TYW1: variants seen among roughly 807,000 people sequenced by gnomAD.
TYW1 encodes the protein S-adenosyl-L-methionine-dependent tRNA 4-demethylwyosine synthase TYW1.
TYW1 carries 46 observed loss-of-function variants against 96.2 expected under a neutral mutation model. The observed-to-expected ratio is 0.48, with a 90% CI of 0.38 to 0.61. The LOEUF (loss-of-function observed/expected upper bound fraction) is 0.61, where lower values mean the gene tolerates loss of function less well. Ranked by LOEUF, TYW1 falls within the 20% of genes least tolerant of loss-of-function variation. The pLI, the probability that TYW1 is intolerant of heterozygous loss-of-function variation, is 0.00. For synonymous variants in TYW1, 274 were observed against 323.0 expected, an observed-to-expected ratio of 0.85 and a Z score of 1.63; for missense variants, 684 against 909.6, an observed-to-expected ratio of 0.75 and a Z score of 3.19.
chr7:67,203,251 C>A (rs889223295), intron 15 of TYW1, among the ~76,000 whole-genome samples: 1 of 152,194 alleles, frequency 6.6e-6, no homozygotes, highest in Non-Finnish European at 1.5e-5. Flanking sequence ...AGAGCCACTT[C>A]GGCTTTCTTT....
intron 14 of TYW1, among the ~76,000 whole-genome samples, chr7:67,189,128 G>A (rs1800120102): frequency 6.6e-6 from 1 of 152,144 alleles, no homozygotes; most frequent in Non-Finnish European, 1.5e-5. Flanking sequence ...CCTGTGTGCA[G>A]TTTCTCTTTT....
rs187407210 is a variant in TYW1, at chr7:67,157,551, A to G, written c.1699-25575A>G. ...TCCACTCGCCTCAACCTCCCAAAGT[A>G]TTGGGATTACAGGTGTGAGCCACCG... On this transcript the variant is annotated intron_variant, in intron 13 of 15. Coordinates refer to ENST00000359626, the MANE Select transcript of TYW1 (RefSeq NM_018264.4). Among the ~76,000 whole-genome samples, 915 of 152,304 alleles carry G rather than the reference A, an allele frequency of 6.0e-3. 10 individuals are homozygous for G. Among genetic ancestry groups the G allele is most frequent in the Admixed American group, 0.01 (160 of 15,302 alleles).
intron 9 of TYW1, among the ~76,000 whole-genome samples, chr7:67,061,017 C>T (rs1484329837): frequency 6.6e-6 from 1 of 152,148 alleles, no homozygotes; most frequent in African/African-American, 2.4e-5. Flanking sequence ...CACTTGAGGT[C>T]AGGAGTTCAA....
rs2421382 is a variant in TYW1 at position 67,234,048 on chromosome 7, A to G, written c.1978-4260A>G. ...CTGATCTAATAGGATCAGTGTCTTT[A>G]TAAGAAGAGACATCAGGGCTGGGTG... On this transcript the variant is annotated intron_variant, in intron 15 of 15. Transcript: ENST00000359626. 1.5e-5 allele frequency among the ~76,000 whole-genome samples: 2 copies of G among 135,630 alleles called. 1 individual carries two copies. The highest frequency in any genetic ancestry group is 5.9e-5 in the African/African-American group (2 of 33,890). 89.0% of individuals were successfully genotyped at this position (135,630 alleles called of 152,430 possible).
chr7:67,204,671 T>A (rs1288833101), intron 15 of TYW1, among the ~76,000 whole-genome samples: 1 of 151,746 alleles, frequency 6.6e-6, no homozygotes, highest in Non-Finnish European at 1.5e-5. Context: ...CTCGGCTCAC[T>A]GCAACCTCCA....
intron 14 of TYW1, among the ~76,000 whole-genome samples, chr7:67,193,450 A>G (rs1171586732): frequency 6.6e-6 from 1 of 152,162 alleles, no homozygotes; most frequent in Non-Finnish European, 1.5e-5. Flanking sequence ...CACTCTGCTC[A>G]TTTGTTGGTT....
chr7:67,062,268 G>A (rs1795715782), intron 9 of TYW1, among the ~76,000 whole-genome samples: 1 of 151,946 alleles, frequency 6.6e-6, no homozygotes, highest in Admixed American at 6.6e-5. Context: ...AATTAGCTGG[G>A]CGTAGTGGTG....
chr7:67,073,646 C>T lies in TYW1; in HGVS notation c.1274+6243C>T, dbSNP rs538358536. ...AAAATTAGCTGGGCGTGGTGGCAGGCGCCTGTAATCCCAGCTACTTGGGAG... is the reference window on the plus strand; with the variant it reads ...AAAATTAGCTGGGCGTGGTGGCAGGTGCCTGTAATCCCAGCTACTTGGGAG... On this transcript the variant is annotated intron_variant, in intron 10 of 15. Transcript: ENST00000359626. Among the ~76,000 whole-genome samples the T allele has an allele frequency of 3.3e-4, 50 of 150,558 alleles. 1 individual carries two copies. In the East Asian group the frequency reaches 6.3e-3, roughly 19 times the overall value.
intron 12 of TYW1, among the ~76,000 whole-genome samples, chr7:67,101,026 G>A (rs1471668867): frequency 1.3e-5 from 2 of 152,102 alleles, no homozygotes; most frequent in African/African-American, 4.8e-5. Context: ...TTTATCAGAA[G>A]CCTGTACTGC....
At chr7:67,118,878 G>GA (rs60194362) in intron 13 of TYW1, among the ~76,000 whole-genome samples, 2,235 of 71,890 alleles carry the variant, frequency 0.031, 341 homozygotes, top group Non-Finnish European at 0.053. Context: ...ACCCCTATCT[G>GA]AAAAAAAAAA....
chr7:67,201,715 C>A (rs997931442), intron 15 of TYW1, among the ~76,000 whole-genome samples: 1 of 152,076 alleles, frequency 6.6e-6, no homozygotes, highest in Non-Finnish European at 1.5e-5. Flanking sequence ...CAGAGTGAGA[C>A]AGATGGTCAA....
chr7:67,049,100 G>A (rs746984508), intron 7 of TYW1, among the ~76,000 whole-genome samples: 3 of 152,222 alleles, frequency 2.0e-5, no homozygotes, highest in Non-Finnish European at 2.9e-5. Flanking sequence ...GGCTCTCAGG[G>A]TGGCTTAGAG....
At chr7:67,215,351 C>T (rs1801168827) in intron 15 of TYW1, among the ~76,000 whole-genome samples, 1 of 152,148 alleles carries the variant, frequency 6.6e-6, no homozygotes, top group Admixed American at 6.5e-5. Flanking sequence ...TCTTAACAGC[C>T]CCTTCCCTTT....
rs571924334 is a variant in TYW1 at position 67,117,117 on chromosome 7, G to A, written c.1563-366G>A. Among the ~76,000 whole-genome samples, 3 of 152,326 alleles carry A rather than the reference G, an allele frequency of 2.0e-5. No homozygotes were observed. In the South Asian group the frequency reaches 6.2e-4, roughly 32 times the overall value. On this transcript the variant is annotated intron_variant, in intron 12 of 15. Transcript: ENST00000359626. ...AGACCCCATGTGGTTGGCAGAGTGT[G>A]TGGGTGGGGAAGTTAGATCAGAGAG...
chr7:67,166,018 T>C (rs528711170), intron 13 of TYW1, among the ~76,000 whole-genome samples: 11 of 152,202 alleles, frequency 7.2e-5, no homozygotes, highest in African/African-American at 2.2e-4. Context: ...GGTGGGTGGA[T>C]CACTTGAGGC....
chr7:67,185,865 A>G (rs948228007), intron 14 of TYW1, among the ~76,000 whole-genome samples: 3 of 150,268 alleles, frequency 2.0e-5, no homozygotes, highest in African/African-American at 7.4e-5. Context: ...TATGGCTTTG[A>G]AACTGAACCC....
chr7:67,018,969 A>G (rs1439901411), intron 6 of TYW1, among the ~76,000 whole-genome samples: 7 of 151,526 alleles, frequency 4.6e-5, no homozygotes, highest in South Asian at 4.2e-4. Flanking sequence ...AAAAAAAAAA[A>G]AAAAGAAAAA....
chr7:67,164,685 A>G (rs1799266925), intron 13 of TYW1, among the ~76,000 whole-genome samples: 1 of 79,542 alleles, frequency 1.3e-5, no homozygotes, highest in Non-Finnish European at 2.6e-5. Context: ...AACGAGGTAC[A>G]AAAAATAAGT....
At chr7:67,219,575 T>A (rs1464731887) in intron 15 of TYW1, among the ~76,000 whole-genome samples, 1 of 152,220 alleles carries the variant, frequency 6.6e-6, no homozygotes, top group Admixed American at 6.5e-5. Context: ...TAGTTATAAG[T>A]CCAATCAGAT....
Sources: allele counts gnomAD v4.1 joint callset (sites outside exome capture counted in the v4.1 genomes callset), GRCh38; gene constraint gnomAD v4.1.1; transcripts MANE v1.5; gene names NCBI Gene and HGNC (gene_info 2026-07-23, HGNC 2026-07-21).